Variants in LRP11 observed in about 807,000 individuals in gnomAD.
LRP11 encodes the protein low-density lipoprotein receptor-related protein 11.
LRP11 carries 25 observed loss-of-function variants against 43.1 expected under a neutral mutation model. The observed-to-expected ratio is 0.58, with a 90% CI of 0.42 to 0.81. The LOEUF (loss-of-function observed/expected upper bound fraction) is 0.81. LRP11 is among the 30% of genes least tolerant of loss of function. LRP11 has a pLI of 0.00. For missense variants in LRP11, 623 were observed against 665.1 expected, an observed-to-expected ratio of 0.94 and a Z score of 0.70; for synonymous variants, 316 against 299.4, an observed-to-expected ratio of 1.06 and a Z score of -0.57.
rs772732765 is a variant in LRP11 at position 149,842,972 on chromosome 6, T to C, written c.913+11A>G. The C allele has an allele frequency of 6.2e-7, 1 of 1,614,016 alleles. No individual in the cohort carries two copies. Among genetic ancestry groups the C allele is most frequent in the South Asian group, 1.1e-5 (1 of 91,082 alleles). On this transcript the variant is annotated intron_variant, in intron 3 of 6. Transcript: ENST00000239367. ...AAGCAGTGGGAAGCGAGGGAAGGAC[T>C]TTCTTCTCACCTCCTGTGGAGTAGG...
chr6:149,843,400 C>T (rs756154397), intron 2 of LRP11, among the ~76,000 whole-genome samples: 4 of 152,202 alleles, frequency 2.6e-5, no homozygotes, highest in South Asian at 2.1e-4. Flanking sequence ...CCCAGCCTCA[C>T]GCTCAGGATC....
intron 3 of LRP11, 67 bp downstream of exon 3, chr6:149,842,916 G>C: frequency 6.3e-7 from 1 of 1,584,928 alleles, no homozygotes; most frequent in Non-Finnish European, 8.6e-7. Flanking sequence ...AGAGCCAGAG[G>C]ACAAAGCGCC....
At chr6:149,836,325 T>A in intron 4 of LRP11, 28 bp from the exon 5 acceptor site, 1 of 1,592,056 alleles carries the variant, frequency 6.3e-7, no homozygotes, top group Non-Finnish European at 8.6e-7. Flanking sequence ...TACTGTTAGT[T>A]GCTGGATTTC....
intron 2 of LRP11, among the ~76,000 whole-genome samples, chr6:149,845,566 C>T (rs754963245): frequency 3.3e-5 from 5 of 152,134 alleles, no homozygotes; most frequent in Admixed American, 1.3e-4. Flanking sequence ...GAATGCCAAA[C>T]GGGTCATTTA....
intron 2 of LRP11, among the ~76,000 whole-genome samples, chr6:149,844,781 T>G (rs1028837897): frequency 6.6e-6 from 1 of 152,204 alleles, no homozygotes; most frequent in African/African-American, 2.4e-5. Context: ...ATCCTAGAAT[T>G]TGGACTGACT....
chr6:149,851,240 C>T (rs1361083676), intron 2 of LRP11, among the ~76,000 whole-genome samples: 2 of 152,130 alleles, frequency 1.3e-5, no homozygotes, highest in Non-Finnish European at 2.9e-5. Flanking sequence ...CAGCTACTGA[C>T]ACAGTTCATG....
chr6:149,828,372 G>C (rs1444334806), intron 5 of LRP11, among the ~76,000 whole-genome samples: 1 of 151,960 alleles, frequency 6.6e-6, no homozygotes. Flanking sequence ...TTTGTGGCAA[G>C]TAATTTTTAC....
intron 2 of LRP11, among the ~76,000 whole-genome samples, chr6:149,849,790 G>C (rs1179652943): frequency 6.6e-6 from 1 of 152,174 alleles, no homozygotes; most frequent in Non-Finnish European, 1.5e-5. Flanking sequence ...GAGCTTTCCT[G>C]TATGCTTAGT....
chr6:149,847,824 TACACACACACACACACACACACAC>T (rs57292379), intron 2 of LRP11, among the ~76,000 whole-genome samples: 42 of 131,132 alleles, frequency 3.2e-4, no homozygotes, highest in Middle Eastern at 3.8e-3. Flanking sequence ...TAAACTAAAT[TACACACACACACACACACACACAC>T]ACACACACAC....
At chr6:149,845,768 T>C (rs1776622875) in intron 2 of LRP11, among the ~76,000 whole-genome samples, 1 of 62,014 alleles carries the variant, frequency 1.6e-5, no homozygotes, top group Non-Finnish European at 3.5e-5. Flanking sequence ...TCAGGTCTTA[T>C]CTGTCGGATA....
intron 1 of LRP11, among the ~76,000 whole-genome samples, chr6:149,857,971 A>C (rs937406163): frequency 1.3e-5 from 2 of 152,204 alleles, no homozygotes; most frequent in African/African-American, 4.8e-5. Flanking sequence ...TCTGCATAAT[A>C]CTGATGCAGA....
In LRP11 at chr6:149,819,695, A is replaced by C. The variant is rs1280667426; in HGVS notation, c.*854T>G. The C allele has an allele frequency of 3.6e-5, 4 of 111,388 alleles. No homozygotes were observed. In the East Asian group the frequency reaches 8.0e-4, roughly 22 times the overall value. 6.9% of individuals were successfully genotyped at this position (111,388 alleles called of 1,614,324 possible). A position where few individuals can be genotyped will look rare whatever the true frequency, so the allele number is the denominator to read the frequency against. Reference sequence around the variant, plus strand: ...TTGTCGTTTTTCATCAACAAAGCCTATATATATATATATAAATGAGTTGCT... The same window carrying C: ...TTGTCGTTTTTCATCAACAAAGCCTCTATATATATATATAAATGAGTTGCT... On this transcript the variant is annotated 3_prime_UTR_variant, in exon 7 of 7. Coordinates refer to ENST00000239367, the MANE Select transcript of LRP11 (RefSeq NM_032832.6).
intron 3 of LRP11, among the ~76,000 whole-genome samples, chr6:149,841,046 C>T (rs1776539154): frequency 6.6e-6 from 1 of 152,188 alleles, no homozygotes; most frequent in African/African-American, 2.4e-5. Context: ...AATGGTTACC[C>T]TGCTTCCTTA....
At chr6:149,832,576 A>G (rs748532982) in intron 5 of LRP11, among the ~76,000 whole-genome samples, 8 of 150,082 alleles carry the variant, frequency 5.3e-5, no homozygotes, top group Non-Finnish European at 1.0e-4. Context: ...GTACTAGCTG[A>G]TGGTCTTCTT....
At chr6:149,852,949 A>AT in intron 2 of LRP11, 54 bp downstream of exon 2, 9 of 1,487,882 alleles carry the variant, frequency 6.0e-6, no homozygotes, top group Non-Finnish European at 8.2e-6. Context: ...GGACATTACA[A>AT]AAGACCACTT....
chr6:149,846,725 G>A (rs1449841175), intron 2 of LRP11, among the ~76,000 whole-genome samples: 7 of 152,040 alleles, frequency 4.6e-5, no homozygotes, highest in Non-Finnish European at 1.5e-5. Flanking sequence ...ATCAGTTGAG[G>A]CCAGGAGTTT....
intron 3 of LRP11, among the ~76,000 whole-genome samples, chr6:149,838,402 T>C (rs1411256281): frequency 1.3e-5 from 2 of 151,810 alleles, no homozygotes; most frequent in African/African-American, 2.4e-5. Context: ...AATAATGACA[T>C]TGGCCAGGCG....
chr6:149,854,494 C>T (rs1776769274), intron 1 of LRP11, among the ~76,000 whole-genome samples: 2 of 152,188 alleles, frequency 1.3e-5, no homozygotes, highest in Admixed American at 6.5e-5. Context: ...ACAGCTGCTA[C>T]AGGGATGACC....
At chr6:149,826,100 C>T (rs1776335307) in intron 6 of LRP11, 164 bp downstream of exon 6, 5 of 654,462 alleles carry the variant, frequency 7.6e-6, no homozygotes, top group Non-Finnish European at 1.4e-5. Flanking sequence ...ATCAGGAGCC[C>T]CAAGACGCAG....
Sources: gnomAD v4.1 joint callset for allele counts (sites outside exome capture counted in the v4.1 genomes callset) on GRCh38, gnomAD v4.1.1 for gene constraint, MANE v1.5 for transcripts, NCBI Gene and HGNC (gene_info 2026-07-23, HGNC 2026-07-21) for gene names.